KIFAP3: variants seen among roughly 807,000 people sequenced by gnomAD.
The protein encoded by KIFAP3 is kinesin associated protein 3, also known as kinesin-associated protein 3.
KIFAP3 carries 68 observed loss-of-function variants against 106.5 expected under a neutral mutation model. That is an observed-to-expected ratio of 0.64 (90% CI 0.53 to 0.78). KIFAP3 has a LOEUF of 0.78. Ranked by LOEUF, KIFAP3 falls within the 30% of genes least tolerant of loss-of-function variation. The probability of loss-of-function intolerance (pLI) is 0.00; values close to 1 mark genes in which losing one functional copy is unlikely to be tolerated. For missense variants in KIFAP3, 780 were observed against 941.8 expected (o/e 0.83, Z 2.25); for synonymous variants, 320 against 311.5 (o/e 1.03, Z -0.29).
chr1:169,994,598 T>C (rs1189666214), intron 10 of KIFAP3, among the ~76,000 whole-genome samples: 1 of 152,112 alleles, frequency 6.6e-6, no homozygotes, highest in Admixed American at 6.5e-5. Flanking sequence ...GAATGGACAC[T>C]AGTAAGCATT....
intron 1 of KIFAP3, among the ~76,000 whole-genome samples, chr1:170,062,527 C>G (rs1671233495): frequency 6.6e-6 from 1 of 152,166 alleles, no homozygotes; most frequent in Admixed American, 6.5e-5. Flanking sequence ...AAGCTCTGGT[C>G]AAGGTCATCA....
chr1:170,074,513 C>T lies in KIFAP3; in HGVS notation c.-46G>A, dbSNP rs754954996. On this transcript the variant is annotated 5_prime_UTR_variant, in exon 1 of 20. Transcript: ENST00000361580. Reference sequence around the variant, plus strand: ...GGAGAGGATGGGGTATCTTGAGAGGCAGGCGCGGTTATTTCCGGGGACGGT... The same window carrying T: ...GGAGAGGATGGGGTATCTTGAGAGGTAGGCGCGGTTATTTCCGGGGACGGT... 6 of 1,613,132 alleles carry T rather than the reference C, an allele frequency of 3.7e-6. No individual in the cohort carries two copies. Among genetic ancestry groups the T allele is most frequent in the Non-Finnish European group, 5.1e-6 (6 of 1,179,620 alleles).
chr1:170,065,538 C>T (rs943982199), intron 1 of KIFAP3, among the ~76,000 whole-genome samples: 2 of 146,262 alleles, frequency 1.4e-5, no homozygotes, highest in African/African-American at 2.5e-5. Context: ...GGCGTGAACC[C>T]GGGAGGCGGA....
At chr1:170,025,986 G>C (rs367601023) in intron 8 of KIFAP3, among the ~76,000 whole-genome samples, 18 of 152,260 alleles carry the variant, frequency 1.2e-4, no homozygotes, top group African/African-American at 2.6e-4. Context: ...ATGGATTAAG[G>C]TGGACCGTGA....
chr1:170,015,524 G>A (rs1402884148), intron 10 of KIFAP3, among the ~76,000 whole-genome samples: 1 of 152,138 alleles, frequency 6.6e-6, no homozygotes, highest in African/African-American at 2.4e-5. Context: ...GGAGAAAGCT[G>A]TTAAAAAGAA....
Position 170,074,520 on chromosome 1 carries a change from G to T in KIFAP3, c.-53C>A. On this transcript the variant is annotated 5_prime_UTR_variant, in exon 1 of 20. Coordinates refer to ENST00000361580, the MANE Select transcript of KIFAP3 (RefSeq NM_014970.4). ...ATGGGGTATCTTGAGAGGCAGGCGC[G>T]GTTATTTCCGGGGACGGTGGCCAAA... 1.2e-6 allele frequency: 2 copies of T among 1,612,106 alleles called. No homozygotes were observed. Among genetic ancestry groups the T allele is most frequent in the Non-Finnish European group, 1.7e-6 (2 of 1,179,236 alleles).
chr1:169,929,748 A>T (rs1198096358), intron 19 of KIFAP3, among the ~76,000 whole-genome samples: 2 of 152,140 alleles, frequency 1.3e-5, no homozygotes, highest in Non-Finnish European at 2.9e-5. Flanking sequence ...TAATGAATTC[A>T]AACTAGTATT....
chr1:169,966,356 C>T (rs1350674719), intron 17 of KIFAP3, among the ~76,000 whole-genome samples: 1 of 150,810 alleles, frequency 6.6e-6, no homozygotes, highest in African/African-American at 2.4e-5. Context: ...TTCCAGAATC[C>T]TACTAGGATG....
intron 11 of KIFAP3, among the ~76,000 whole-genome samples, 173 bp downstream of exon 11, chr1:169,991,982 A>C (rs372134310): frequency 2.0e-5 from 3 of 152,180 alleles, no homozygotes; most frequent in East Asian, 1.9e-4. Flanking sequence ...GGGATAATGG[A>C]AAGTTATTTT....
intron 19 of KIFAP3, among the ~76,000 whole-genome samples, chr1:169,943,797 C>G (rs921482771): frequency 2.0e-5 from 3 of 152,096 alleles, no homozygotes; most frequent in African/African-American, 7.2e-5. Context: ...ACGTTTAACA[C>G]TAGATAATCA....
chr1:170,049,382 G>C (rs1670455418), intron 2 of KIFAP3, among the ~76,000 whole-genome samples: 1 of 152,222 alleles, frequency 6.6e-6, no homozygotes, highest in Non-Finnish European at 1.5e-5. Flanking sequence ...AGGGGTGGCT[G>C]TGGGCACAGC....
chr1:170,041,762 C>A (rs1444576881), intron 3 of KIFAP3: 1 of 1,533,718 alleles, frequency 6.5e-7, no homozygotes, highest in East Asian at 2.4e-5. Flanking sequence ...CAATCGACAT[C>A]CCTTTTGCCT....
At chr1:170,004,142 TTTA>T (rs1667814234) in intron 10 of KIFAP3, among the ~76,000 whole-genome samples, 1 of 151,790 alleles carries the variant, frequency 6.6e-6, no homozygotes, top group Non-Finnish European at 1.5e-5. Context: ...AGGAATGCAA[TTTA>T]CAAGGGATGT....
At chr1:170,077,897 A>G (rs1039824949), upstream of KIFAP3, among the ~76,000 whole-genome samples, 4 of 147,416 alleles carry the variant, frequency 2.7e-5, no homozygotes, top group East Asian at 4.0e-4. Flanking sequence ...TTTTTTTTTT[A>G]TTGTTAAGTA....
rs771611928 is a variant in KIFAP3, at chr1:170,046,703, A to G, written c.319+9T>C. The G allele has an allele frequency of 1.3e-6, 2 of 1,505,970 alleles. No individual in the cohort carries two copies. Among genetic ancestry groups the G allele is most frequent in the Non-Finnish European group, 1.8e-6 (2 of 1,122,590 alleles). The allele number at this position is 1,505,970 out of a possible 1,614,324, so 93.3% of individuals were successfully genotyped here. A position where few individuals can be genotyped will look rare whatever the true frequency, so the allele number is the denominator to read the frequency against. On this transcript the variant is annotated intron_variant, in intron 3 of 19. Coordinates refer to ENST00000361580, the MANE Select transcript of KIFAP3 (RefSeq NM_014970.4). Reference sequence around the variant, plus strand: ...TTTGCATTAGGAAGCCAGGAATTCTACTACTTACCTTTTCCTGACAATGAA... The same window carrying G: ...TTTGCATTAGGAAGCCAGGAATTCTGCTACTTACCTTTTCCTGACAATGAA...
At chr1:169,991,593 C>T (rs947880467) in intron 11 of KIFAP3, among the ~76,000 whole-genome samples, 1 of 152,040 alleles carries the variant, frequency 6.6e-6, no homozygotes, top group Admixed American at 6.6e-5. Flanking sequence ...AAAACAAAGA[C>T]ACAAGTGTTT....
intron 2 of KIFAP3, among the ~76,000 whole-genome samples, chr1:170,052,412 T>C (rs1012664254): frequency 6.6e-6 from 1 of 151,908 alleles, no homozygotes; most frequent in Non-Finnish European, 1.5e-5. Context: ...CTACCAGAGG[T>C]ACAAAGAGGA....
intron 15 of KIFAP3, among the ~76,000 whole-genome samples, chr1:169,981,641 C>A (rs374769424): frequency 1.3e-5 from 2 of 152,210 alleles, no homozygotes; most frequent in South Asian, 4.1e-4. Flanking sequence ...TAGTTTCAGG[C>A]ATCTGCTGGG....
At chr1:170,041,274 T>C (rs1669963409) in intron 3 of KIFAP3, among the ~76,000 whole-genome samples, 1 of 152,266 alleles carries the variant, frequency 6.6e-6, no homozygotes, top group Non-Finnish European at 1.5e-5. Flanking sequence ...CTGACTAATT[T>C]GAAAAAATTC....
Sources: allele counts gnomAD v4.1 joint callset (sites outside exome capture counted in the v4.1 genomes callset), GRCh38; gene constraint gnomAD v4.1.1; transcripts MANE v1.5; gene names NCBI Gene and HGNC (gene_info 2026-07-23, HGNC 2026-07-21).